Variants in TRDN observed in about 807,000 individuals in gnomAD.
The protein encoded by TRDN is triadin in skeletal muscle.
TRDN carries 161 observed loss-of-function variants against 149.7 expected under a neutral mutation model. That is an observed-to-expected ratio of 1.08 (90% CI 0.95 to 1.23). The LOEUF is 1.23. TRDN is among the 50% of genes most tolerant of loss of function. The probability of loss-of-function intolerance (pLI) is 0.00; values close to 1 mark genes in which losing one functional copy is unlikely to be tolerated. For synonymous variants in TRDN, 294 were observed against 250.5 expected (o/e 1.17, Z -1.64); for missense variants, 896 against 823.5 (o/e 1.09, Z -1.08).
At chr6:123,320,745 T>G (rs1779213180) in intron 23 of TRDN, among the ~76,000 whole-genome samples, 1 of 152,132 alleles carries the variant, frequency 6.6e-6, no homozygotes, top group African/African-American at 2.4e-5. Context: ...TCTGTCTATA[T>G]TATCTATGTT....
In TRDN at chr6:123,530,302, T is replaced by A. The variant is rs4996639; in HGVS notation, c.484+204A>T. Among the ~76,000 whole-genome samples the A allele has an allele frequency of 0.57, 86,005 of 151,614 alleles. 25,250 individuals carry two copies. The highest frequency in any genetic ancestry group is 0.65 in the Non-Finnish European group (44,117 of 67,840). On this transcript the variant is annotated intron_variant, in intron 5 of 40. Transcript: ENST00000334268. ...ACATTTTGAAGTTACTTTGATTCCA[T>A]CTATTAAATATTATTTATGTTATTT...
rs1357820913 is a variant in TRDN at position 123,544,379 on chromosome 6, A to G, written c.424+2961T>C. ...CAAAGAACCAACAACAGATTTATTT[A>G]TATTTGAAGTGGAAATAGTACGGTT... On this transcript the variant is annotated intron_variant, in intron 4 of 40. Transcript: ENST00000334268. 5.9e-5 allele frequency among the ~76,000 whole-genome samples: 9 copies of G among 151,992 alleles called. 1 individual carries two copies. The highest frequency in any genetic ancestry group is 5.9e-4 in the Admixed American group (9 of 15,250).
intron 6 of TRDN, among the ~76,000 whole-genome samples, chr6:123,515,812 A>G (rs1270359327): frequency 6.6e-6 from 1 of 152,164 alleles, no homozygotes; most frequent in African/African-American, 2.4e-5. Flanking sequence ...GCAAGTTATA[A>G]TAATGAGATC....
At chr6:123,309,024 C>T (rs1778716630) in intron 24 of TRDN, among the ~76,000 whole-genome samples, 2 of 152,042 alleles carry the variant, frequency 1.3e-5, no homozygotes, top group Non-Finnish European at 2.9e-5. Flanking sequence ...TCTCTTTATG[C>T]AACCTTTATG....
chr6:123,274,705 GA>G, intron 26 of TRDN, 35 bp from the exon 27 acceptor site: 1 of 1,574,520 alleles, frequency 6.4e-7, no homozygotes, highest in South Asian at 1.2e-5. Context: ...TTTAAAACCT[GA>G]AAAAATAAAC....
chr6:123,452,196 A>T (rs1775816550), intron 10 of TRDN, among the ~76,000 whole-genome samples: 1 of 152,148 alleles, frequency 6.6e-6, no homozygotes, highest in Non-Finnish European at 1.5e-5. Context: ...CAAGACAAGG[A>T]TGTCCACTCT....
intron 23 of TRDN, among the ~76,000 whole-genome samples, chr6:123,323,245 C>A (rs1463705872): frequency 2.0e-5 from 3 of 151,996 alleles, no homozygotes; most frequent in Non-Finnish European, 4.4e-5. Context: ...TGTGCATTAT[C>A]TTCAGATATT....
At position 123,573,176 on chromosome 6, in the gene TRDN, C is replaced by G. The variant is rs144972982; in HGVS notation, c.23-2044G>C. Among the ~76,000 whole-genome samples, 845 of 152,100 alleles carry G rather than the reference C, an allele frequency of 5.6e-3. 11 individuals carry two copies. The highest frequency in any genetic ancestry group is 6.0e-3 in the Non-Finnish European group (408 of 67,934). Reference sequence around the variant, plus strand: ...AACTCCTGGCTTCTCTCTGCATTACCCAAATGGCTAGAAGGTCGCTATTAC... The same window carrying G: ...AACTCCTGGCTTCTCTCTGCATTACGCAAATGGCTAGAAGGTCGCTATTAC... On this transcript the variant is annotated intron_variant, in intron 1 of 40. Coordinates refer to ENST00000334268, the MANE Select transcript of TRDN (RefSeq NM_006073.4).
At chr6:123,492,119 C>T (rs1242452929) in intron 9 of TRDN, among the ~76,000 whole-genome samples, 1 of 152,006 alleles carries the variant, frequency 6.6e-6, no homozygotes, top group Non-Finnish European at 1.5e-5. Flanking sequence ...CAAAGAATGC[C>T]TTATTACAAT....
At chr6:123,266,395 T>A (rs1776978436) in intron 32 of TRDN, among the ~76,000 whole-genome samples, 1 of 108,014 alleles carries the variant, frequency 9.3e-6, no homozygotes, top group Non-Finnish European at 1.7e-5. Flanking sequence ...TATATTATGA[T>A]ATGTATTATA....
intron 12 of TRDN, among the ~76,000 whole-genome samples, chr6:123,408,196 T>C (rs1773274536): frequency 6.6e-6 from 1 of 152,202 alleles, no homozygotes; most frequent in Non-Finnish European, 1.5e-5. Context: ...ATACCATGTG[T>C]TTAGTGCTAT....
chr6:123,459,691 C>T (rs2114688388), intron 10 of TRDN, among the ~76,000 whole-genome samples: 1 of 152,310 alleles, frequency 6.6e-6, no homozygotes, highest in Non-Finnish European at 1.5e-5. Flanking sequence ...CCAAATGTAA[C>T]TCATTATTAT....
At chr6:123,574,196 G>A (rs184379934) in intron 1 of TRDN, among the ~76,000 whole-genome samples, 2 of 151,962 alleles carry the variant, frequency 1.3e-5, no homozygotes, top group Admixed American at 6.6e-5. Flanking sequence ...TAATTAAGAT[G>A]TTTAAATGGC....
chr6:123,519,524 A>G (rs1343751900), intron 5 of TRDN, among the ~76,000 whole-genome samples: 4 of 146,200 alleles, frequency 2.7e-5, no homozygotes, highest in Non-Finnish European at 6.0e-5. Flanking sequence ...GGGTCAAATC[A>G]TGGGAGCCAG....
chr6:123,347,647 T>C (rs1780306995), intron 21 of TRDN, among the ~76,000 whole-genome samples: 1 of 152,086 alleles, frequency 6.6e-6, no homozygotes, highest in Non-Finnish European at 1.5e-5. Flanking sequence ...TGATTGATTG[T>C]ACTTGCAATC....
chr6:123,400,470 A>G (rs1772920725), intron 12 of TRDN, among the ~76,000 whole-genome samples: 1 of 152,068 alleles, frequency 6.6e-6, no homozygotes, highest in Non-Finnish European at 1.5e-5. Flanking sequence ...TAGGGAGCAC[A>G]CAACCTAGAT....
At chr6:123,252,087 A>G (rs1369411108) in intron 38 of TRDN, among the ~76,000 whole-genome samples, 1 of 152,130 alleles carries the variant, frequency 6.6e-6, no homozygotes, top group Non-Finnish European at 1.5e-5. Flanking sequence ...CTAGTGATTG[A>G]CAGTTAAAGG....
chr6:123,325,459 A>G (rs1178553300), intron 23 of TRDN, among the ~76,000 whole-genome samples: 2 of 152,158 alleles, frequency 1.3e-5, no homozygotes, highest in African/African-American at 4.8e-5. Flanking sequence ...GAAAGTTCTA[A>G]TATTTCGTAG....
chr6:123,341,854 T>C (rs1251477594), intron 21 of TRDN, among the ~76,000 whole-genome samples: 1 of 151,958 alleles, frequency 6.6e-6, no homozygotes, highest in Non-Finnish European at 1.5e-5. Flanking sequence ...GTTAAAACAG[T>C]GACATATACA....
Sources: gnomAD v4.1 joint callset for allele counts (sites outside exome capture counted in the v4.1 genomes callset) on GRCh38, gnomAD v4.1.1 for gene constraint, MANE v1.5 for transcripts, NCBI Gene and HGNC (gene_info 2026-07-23, HGNC 2026-07-21) for gene names.